Variants in R3HDM1 observed in about 807,000 individuals in gnomAD.
R3HDM1 encodes R3H domain containing 1.
In R3HDM1, 46 loss-of-function variants were observed where a neutral mutation model predicts 141.1. The observed-to-expected ratio is 0.33, with a 90% CI of 0.26 to 0.42. The LOEUF is 0.42. Ranked by LOEUF, R3HDM1 falls within the 10% of genes least tolerant of loss-of-function variation. R3HDM1 has a pLI of 1.00. For missense variants in R3HDM1, 1,184 were observed against 1,368.3 expected (o/e 0.87, Z 2.12); for synonymous variants, 435 against 472.9 (o/e 0.92, Z 1.04).
chr2:135,585,825 C>T lies in R3HDM1; in HGVS notation c.-249-16675C>T, dbSNP rs1305055157. 2.6e-5 allele frequency among the ~76,000 whole-genome samples: 4 copies of T among 152,122 alleles called. 1 individual carries two copies. The highest frequency in any genetic ancestry group is 2.6e-4 in the Admixed American group (4 of 15,268). ...GAAGTAATGCTCTTGCCAGAATAAG[C>T]AAGCTTCTTTTAATTTTAGCAAAAA... On this transcript the variant is annotated intron_variant, in intron 1 of 26. Transcript: ENST00000683871.
intron 18 of R3HDM1, among the ~76,000 whole-genome samples, chr2:135,655,664 G>C (rs530110639): frequency 6.6e-6 from 1 of 151,772 alleles, no homozygotes; most frequent in Non-Finnish European, 1.5e-5. Flanking sequence ...CCGCCACCAC[G>C]CCCGGCTAAT....
At chr2:135,669,454 T>C (rs1318586007) in intron 19 of R3HDM1, 4 of 984,570 alleles carry the variant, frequency 4.1e-6, no homozygotes, top group Non-Finnish European at 4.8e-6. Context: ...TAATTATCTG[T>C]TTTCCTGTAA....
intron 1 of R3HDM1, among the ~76,000 whole-genome samples, chr2:135,538,906 G>A (rs1257421991): frequency 6.6e-6 from 1 of 151,268 alleles, no homozygotes; most frequent in Non-Finnish European, 1.5e-5. Context: ...GAGCCACCAC[G>A]CCTGGCTTAA....
At chr2:135,567,413 G>A (rs1475541484) in intron 1 of R3HDM1, among the ~76,000 whole-genome samples, 1 of 152,130 alleles carries the variant, frequency 6.6e-6, no homozygotes, top group Non-Finnish European at 1.5e-5. Context: ...CACTCAATAA[G>A]CTTTACTTTT....
intron 1 of R3HDM1, among the ~76,000 whole-genome samples, chr2:135,564,311 A>T (rs1253442748): frequency 1.1e-4 from 16 of 152,104 alleles, no homozygotes; most frequent in Non-Finnish European, 1.6e-4. Context: ...TTGCAGAAAA[A>T]TTTCCTTTTT....
At chr2:135,658,071 A>G (rs1433165796) in intron 18 of R3HDM1, among the ~76,000 whole-genome samples, 3 of 152,270 alleles carry the variant, frequency 2.0e-5, no homozygotes, top group Admixed American at 6.5e-5. Flanking sequence ...ACTGTAGGCA[A>G]TTATATCACA....
intron 19 of R3HDM1, chr2:135,665,365 A>G (rs760852020): frequency 1.3e-5 from 7 of 525,764 alleles, no homozygotes; most frequent in African/African-American, 3.9e-5. Context: ...CACCATATAC[A>G]TTTAATATTT....
chr2:135,622,943 A>G (rs2061646522), intron 7 of R3HDM1: 2 of 981,784 alleles, frequency 2.0e-6, no homozygotes, highest in Non-Finnish European at 2.4e-6. Flanking sequence ...ACCATGATGT[A>G]TGAATTTTGG....
chr2:135,607,860 G>C (rs1050797520), intron 3 of R3HDM1: 1 of 983,112 alleles, frequency 1.0e-6, no homozygotes, highest in Non-Finnish European at 1.2e-6. Flanking sequence ...TTTACCAAGG[G>C]AATACCATAG....
intron 19 of R3HDM1, among the ~76,000 whole-genome samples, chr2:135,661,665 T>C (rs2105308227): frequency 6.6e-6 from 1 of 152,296 alleles, no homozygotes; most frequent in African/African-American, 2.4e-5. Flanking sequence ...CTTACTGCCA[T>C]TGAGATTGAA....
chr2:135,579,809 T>C (rs1706380412), intron 1 of R3HDM1, among the ~76,000 whole-genome samples: 1 of 152,200 alleles, frequency 6.6e-6, no homozygotes, highest in Non-Finnish European at 1.5e-5. Flanking sequence ...GATTAGTTAA[T>C]AGTGTTACAT....
intron 6 of R3HDM1, chr2:135,622,273 C>G (rs1161988760): frequency 4.1e-6 from 4 of 984,148 alleles, no homozygotes; most frequent in African/African-American, 1.7e-5. Context: ...ACTAAGCTGT[C>G]TTAATTTGCT....
chr2:135,690,539 A>G (rs563843312), intron 21 of R3HDM1, among the ~76,000 whole-genome samples: 1 of 152,296 alleles, frequency 6.6e-6, no homozygotes, highest in South Asian at 2.1e-4. Context: ...GCAAACCAAT[A>G]TACCCTACAG....
intron 1 of R3HDM1, among the ~76,000 whole-genome samples, chr2:135,538,484 T>C (rs1461714823): frequency 6.6e-6 from 1 of 152,262 alleles, no homozygotes; most frequent in African/African-American, 2.4e-5. Context: ...ACTTTATGAA[T>C]TTTAAAAAAT....
intron 19 of R3HDM1, chr2:135,670,433 T>C: frequency 1.0e-6 from 1 of 956,176 alleles, no homozygotes; most frequent in South Asian, 4.8e-5. Flanking sequence ...GAGGTCTAAA[T>C]ATGTTTTGAA....
intron 1 of R3HDM1, among the ~76,000 whole-genome samples, chr2:135,580,242 CTG>C (rs1706487996): frequency 1.3e-5 from 2 of 152,276 alleles, no homozygotes; most frequent in East Asian, 1.9e-4. Flanking sequence ...GAGGGACACC[CTG>C]TCTCTAAATA....
intron 1 of R3HDM1, among the ~76,000 whole-genome samples, chr2:135,570,624 C>T (rs189963363): frequency 6.6e-6 from 1 of 152,330 alleles, no homozygotes. Flanking sequence ...TTACAACTGT[C>T]TGAGGACCTA....
rs182421656 is a variant in R3HDM1, at chr2:135,607,123, G to A, written c.171+2107G>A. 2.9e-3 allele frequency: 456 copies of A among 158,900 alleles called. 2 individuals carry two copies. Among genetic ancestry groups the A allele is most frequent in the African/African-American group, 0.01 (431 of 41,560 alleles). The allele number at this position is 158,900 out of a possible 1,614,324, so 9.8% of individuals were successfully genotyped here. A position where few individuals can be genotyped will look rare whatever the true frequency, so the allele number is the denominator to read the frequency against. ...CCTGCCTCAGCCTCCCAAGTAGCTG[G>A]GACTACAGGCGTGCGCCACCATGCT... On this transcript the variant is annotated intron_variant, in intron 3 of 26. Coordinates refer to ENST00000683871, the MANE Select transcript of R3HDM1 (RefSeq NM_001378107.1).
At chr2:135,571,309 TA>T (rs1260438954) in intron 1 of R3HDM1, among the ~76,000 whole-genome samples, 8 of 151,986 alleles carry the variant, frequency 5.3e-5, no homozygotes, top group East Asian at 3.9e-4. Flanking sequence ...TTTATTTTAT[TA>T]TTTTTTTTTA....
Sources: gnomAD v4.1 joint callset for allele counts (sites outside exome capture counted in the v4.1 genomes callset) on GRCh38, gnomAD v4.1.1 for gene constraint, MANE v1.5 for transcripts, NCBI Gene and HGNC (gene_info 2026-07-23, HGNC 2026-07-21) for gene names.